Variants in ZNF722 observed in about 807,000 individuals in gnomAD.
ZNF722 encodes zinc finger protein 479 pseudogene.
the ZNF722 span, among the ~76,000 whole-genome samples, chr7:64,004,425 A>AAAAAAAAAAAAAAAAAATATATAT: frequency 1.6e-5 from 1 of 61,120 alleles, no homozygotes; most frequent in African/African-American, 8.0e-5. Flanking sequence ...AAAAAAAAAA[A>AAAAAAAAAAAAAAAAAATATATAT]ATATATATAT....
At chr7:64,008,641 CTGTAGCCT>C in the ZNF722 span, among the ~76,000 whole-genome samples, 1 of 152,166 alleles carries the variant, frequency 6.6e-6, no homozygotes, top group East Asian at 1.9e-4. Context: ...GTTTTGGTTA[CTGTAGCCT>C]TGTAGTATAG....
the ZNF722 span, among the ~76,000 whole-genome samples, chr7:64,007,485 T>G: frequency 9.2e-5 from 14 of 152,090 alleles, no homozygotes; most frequent in South Asian, 2.9e-3. Context: ...AGTGAGAACA[T>G]GTGGTGTTTG....
chr7:64,000,273 G>A, the ZNF722 span, among the ~76,000 whole-genome samples: 1 of 150,960 alleles, frequency 6.6e-6, no homozygotes, highest in Non-Finnish European at 1.5e-5. Context: ...TGGGATTACA[G>A]GCATGCGTCA....
At chr7:63,999,410 A>G in the ZNF722 span, among the ~76,000 whole-genome samples, 1 of 152,190 alleles carries the variant, frequency 6.6e-6, no homozygotes, top group African/African-American at 2.4e-5. Flanking sequence ...TATGGGAGTC[A>G]CTGTAAAAAT....
chr7:64,005,546 T>G, the ZNF722 span: 3 of 717,410 alleles, frequency 4.2e-6, no homozygotes, highest in African/African-American at 5.4e-5. Context: ...AATACAAATC[T>G]CTGCCTATGG....
chr7:63,998,891 A>T, the ZNF722 span: 1 of 1,491,846 alleles, frequency 6.7e-7, no homozygotes, highest in African/African-American at 1.4e-5. Context: ...TCTTTTCTTC[A>T]GGGCTCTGCA....
At chr7:64,014,191 ATTCT>A in the ZNF722 span, among the ~76,000 whole-genome samples, 1 of 151,446 alleles carries the variant, frequency 6.6e-6, no homozygotes, top group Non-Finnish European at 1.5e-5. Flanking sequence ...TATTTCACTT[ATTCT>A]TTTTTACTTC....
chr7:64,009,541 C>T, the ZNF722 span, among the ~76,000 whole-genome samples: 15 of 152,224 alleles, frequency 9.9e-5, no homozygotes, highest in East Asian at 1.9e-3. Context: ...CAATGCATTA[C>T]GTTTATTGAT....
the ZNF722 span, among the ~76,000 whole-genome samples, chr7:64,008,595 T>A: frequency 6.6e-6 from 1 of 152,218 alleles, no homozygotes; most frequent in Non-Finnish European, 1.5e-5. Context: ...TCTGTTCCAT[T>A]GGTCTATATC....
At chr7:64,011,895 A>G in the ZNF722 span, among the ~76,000 whole-genome samples, 2 of 152,126 alleles carry the variant, frequency 1.3e-5, no homozygotes, top group African/African-American at 4.8e-5. Context: ...CCAATCAAAC[A>G]TAGATTTGGT....
the ZNF722 span, among the ~76,000 whole-genome samples, chr7:64,004,281 C>T: frequency 0.11 from 15,823 of 148,788 alleles, 1,047 homozygotes; most frequent in African/African-American, 0.17. Flanking sequence ...GTGGTGCACA[C>T]ACGTGTAATC....
At chr7:63,998,886 T>C in the ZNF722 span, 1 of 1,483,356 alleles carries the variant, frequency 6.7e-7, no homozygotes, top group Non-Finnish European at 9.3e-7. Flanking sequence ...CCAGTTCTTT[T>C]CTTCAGGGCT....
chr7:64,002,204 GTTCTTCATTTCAGCTCTGATTTTGGTTA>G, the ZNF722 span, among the ~76,000 whole-genome samples: 1 of 152,056 alleles, frequency 6.6e-6, no homozygotes, highest in South Asian at 2.1e-4. Context: ...ATGTCTCGAC[GTTCTTCATTTCAGCTCTGATTTTGGTTA>G]TTTTTTGTCT....
At chr7:64,011,606 G>C in the ZNF722 span, among the ~76,000 whole-genome samples, 2 of 152,006 alleles carry the variant, frequency 1.3e-5, no homozygotes, top group African/African-American at 4.8e-5. Flanking sequence ...TAGAGTTTCT[G>C]CTGAGAGATC....
At chr7:64,004,425 A>AATATAT in the ZNF722 span, among the ~76,000 whole-genome samples, 1,013 of 60,952 alleles carry the variant, frequency 0.017, 51 homozygotes, top group Non-Finnish European at 0.022. Flanking sequence ...AAAAAAAAAA[A>AATATAT]ATATATATAT....
At chr7:64,007,242 A>G in the ZNF722 span, among the ~76,000 whole-genome samples, 1 of 146,540 alleles carries the variant, frequency 6.8e-6, no homozygotes, top group East Asian at 2.0e-4. Context: ...ATATATATAT[A>G]TATATATATA....
the ZNF722 span, among the ~76,000 whole-genome samples, chr7:64,009,424 C>T: frequency 6.6e-6 from 1 of 152,088 alleles, no homozygotes; most frequent in Non-Finnish European, 1.5e-5. Flanking sequence ...TCTGTCAATA[C>T]CTAGTTTATT....
the ZNF722 span, among the ~76,000 whole-genome samples, chr7:64,000,098 A>T: frequency 2.0e-4 from 28 of 142,752 alleles, no homozygotes; most frequent in African/African-American, 6.7e-4. Context: ...TTACACTGCA[A>T]AGGAAACTGC....
chr7:64,001,740 A>G, the ZNF722 span, among the ~76,000 whole-genome samples: 1 of 152,014 alleles, frequency 6.6e-6, no homozygotes, highest in African/African-American at 2.4e-5. Flanking sequence ...CAACCTCACA[A>G]GCATCTGGTT....
Sources: gnomAD v4.1 joint callset for allele counts (sites outside exome capture counted in the v4.1 genomes callset) on GRCh38, gnomAD v4.1.1 for gene constraint, MANE v1.5 for transcripts, NCBI Gene and HGNC (gene_info 2026-07-23, HGNC 2026-07-21) for gene names.